ADAMTS12: variants seen among roughly 807,000 people sequenced by gnomAD.
ADAMTS12 encodes ADAM metallopeptidase with thrombospondin type 1 motif 12.
A neutral mutation model predicts 167.8 loss-of-function variants in ADAMTS12; 118 were observed. The observed-to-expected ratio is 0.70, with a 90% CI of 0.61 to 0.82. ADAMTS12 has a LOEUF of 0.82. ADAMTS12 is among the 40% of genes least tolerant of loss of function. The probability of loss-of-function intolerance (pLI) is 0.00; values close to 1 mark genes in which losing one functional copy is unlikely to be tolerated. For missense variants in ADAMTS12, 1,916 were observed against 1,998.8 expected, an observed-to-expected ratio of 0.96 and a Z score of 0.79; for synonymous variants, 704 against 716.9, an observed-to-expected ratio of 0.98 and a Z score of 0.29.
In ADAMTS12 at chr5:33,534,813, G is replaced by A. The variant is rs571336399; in HGVS notation, c.4606+20C>T. 5.2e-5 allele frequency: 83 copies of A among 1,603,910 alleles called. No individual in the cohort carries two copies. The Middle Eastern group carries it at 3.2e-3, about 61-fold the overall frequency. ...TTTGTGCAAAGATCTCTTTCTCCCCGAGCAAACCCATTCACCCACCGGCAC... is the reference window on the plus strand; with the variant it reads ...TTTGTGCAAAGATCTCTTTCTCCCCAAGCAAACCCATTCACCCACCGGCAC... On this transcript the variant is annotated intron_variant, in intron 23 of 23. Coordinates refer to ENST00000504830, the MANE Select transcript of ADAMTS12 (RefSeq NM_030955.4).
chr5:33,855,933 C>T (rs185554738), intron 2 of ADAMTS12, among the ~76,000 whole-genome samples: 2 of 152,190 alleles, frequency 1.3e-5, no homozygotes, highest in African/African-American at 4.8e-5. Flanking sequence ...TGCCTCACTA[C>T]GTTGTGTAGG....
intron 2 of ADAMTS12, among the ~76,000 whole-genome samples, chr5:33,769,599 GC>G (rs1337542147): frequency 6.6e-6 from 1 of 152,198 alleles, no homozygotes; most frequent in Non-Finnish European, 1.5e-5. Flanking sequence ...GCCAAAATCA[GC>G]CCAAGAACTA....
intron 3 of ADAMTS12, among the ~76,000 whole-genome samples, chr5:33,742,017 T>C (rs767833370): frequency 6.6e-6 from 1 of 152,166 alleles, no homozygotes; most frequent in Non-Finnish European, 1.5e-5. Flanking sequence ...GCATACGATT[T>C]TGTGATTTTT....
At chr5:33,585,060 T>G (rs959898201) in intron 18 of ADAMTS12, among the ~76,000 whole-genome samples, 2 of 152,008 alleles carry the variant, frequency 1.3e-5, no homozygotes, top group African/African-American at 4.8e-5. Flanking sequence ...CATCCATCCA[T>G]CCATCCATCC....
intron 2 of ADAMTS12, among the ~76,000 whole-genome samples, chr5:33,824,900 T>A (rs7731546): frequency 0.02 from 3,014 of 152,250 alleles, 110 homozygotes; most frequent in African/African-American, 0.069. Flanking sequence ...GAATGGGAAG[T>A]GAGGGACTCT....
chr5:33,630,791 C>A lies in ADAMTS12; in HGVS notation c.2011G>T (p.Gly671Cys), dbSNP rs1256896186. The A allele has an allele frequency of 3.0e-5, 48 of 1,613,166 alleles. No individual in the cohort carries two copies. The highest frequency in any genetic ancestry group is 5.0e-5 in the Admixed American group (3 of 59,978). Residue 671 changes from glycine to cysteine, a missense_variant, in exon 13 of 24, where the codon GGC (glycine) becomes TGC (cysteine). Transcript: ENST00000504830. The stretch of plus-strand genomic sequence containing the variant: ...AACATACCCAATACCTTACATATGC[C>A]ATTAATACAGACATTTCTGCTGTTG... ...GGNSRNVCIN[G>C]ICKMVGCDYE...
intron 2 of ADAMTS12, among the ~76,000 whole-genome samples, chr5:33,792,008 T>TG (rs1303838836): frequency 2.0e-5 from 3 of 149,516 alleles, no homozygotes; most frequent in Non-Finnish European, 3.0e-5. Flanking sequence ...TTTTTTTTTT[T>TG]TTTTTTTGAG....
At position 33,539,679 on chromosome 5, in the gene ADAMTS12, C is replaced by A. The variant is rs1366407651; in HGVS notation, c.4447-4687G>T. Among the ~76,000 whole-genome samples, 4 of 152,166 alleles carry A rather than the reference C, an allele frequency of 2.6e-5. No homozygotes were observed. In the East Asian group the frequency reaches 7.7e-4, roughly 29 times the overall value. ...ACACGAAAACCGAAGTATCCAGAAACATACTGTAAATCAATGAATGCACTG... is the reference window on the plus strand; with the variant it reads ...ACACGAAAACCGAAGTATCCAGAAAAATACTGTAAATCAATGAATGCACTG... On this transcript the variant is annotated intron_variant, in intron 22 of 23. Transcript: ENST00000504830.
intron 19 of ADAMTS12, among the ~76,000 whole-genome samples, chr5:33,565,674 G>GTTTTTTTTTT (rs4049324): frequency 1.6e-5 from 2 of 126,308 alleles, no homozygotes; most frequent in Non-Finnish European, 3.3e-5. Context: ...TTTTTTGTTT[G>GTTTTTTTTTT]TTTTTTTTTT....
intron 2 of ADAMTS12, among the ~76,000 whole-genome samples, chr5:33,762,564 G>T (rs967129433): frequency 5.3e-5 from 8 of 151,836 alleles, no homozygotes; most frequent in African/African-American, 1.9e-4. Flanking sequence ...AAGTTAGGAG[G>T]CCTGGAAATA....
intron 2 of ADAMTS12, among the ~76,000 whole-genome samples, chr5:33,832,590 G>A (rs142390718): frequency 7.2e-5 from 11 of 152,268 alleles, no homozygotes; most frequent in Admixed American, 2.6e-4. Flanking sequence ...TCAGCAAAAC[G>A]TGTACAATTT....
chr5:33,708,716 T>G (rs1363207339), intron 3 of ADAMTS12, among the ~76,000 whole-genome samples: 1 of 152,108 alleles, frequency 6.6e-6, no homozygotes, highest in East Asian at 1.9e-4. Context: ...AAACACCACA[T>G]GTTCTCACTT....
chr5:33,691,307 T>C (rs1742539640), intron 3 of ADAMTS12, among the ~76,000 whole-genome samples: 1 of 152,234 alleles, frequency 6.6e-6, no homozygotes, highest in East Asian at 1.9e-4. Context: ...CTCCCATTAA[T>C]ACCTAGTGTT....
intron 12 of ADAMTS12, among the ~76,000 whole-genome samples, chr5:33,637,351 CTTCTTT>C (rs1424363939): frequency 6.6e-6 from 1 of 152,186 alleles, no homozygotes; most frequent in African/African-American, 2.4e-5. Flanking sequence ...GTTTTATAAA[CTTCTTT>C]TATCTCCCAC....
intron 3 of ADAMTS12, among the ~76,000 whole-genome samples, chr5:33,686,936 T>TATATATATATAG (rs70964412): frequency 6.9e-6 from 1 of 145,564 alleles, no homozygotes; most frequent in African/African-American, 2.6e-5. Context: ...TATATATATA[T>TATATATATATAG]AGAGAGAGAG....
intron 18 of ADAMTS12, among the ~76,000 whole-genome samples, chr5:33,584,284 A>G (rs1223228092): frequency 6.6e-6 from 1 of 152,210 alleles, no homozygotes; most frequent in African/African-American, 2.4e-5. Context: ...CTTGGTATGT[A>G]TTTCCTATTA....
At chr5:33,633,866 C>A (rs1286659516) in intron 12 of ADAMTS12, among the ~76,000 whole-genome samples, 1 of 152,076 alleles carries the variant, frequency 6.6e-6, no homozygotes, top group Non-Finnish European at 1.5e-5. Context: ...CTGACACATC[C>A]TTTTTTAGGG....
chr5:33,851,129 G>A (rs1415866801), intron 2 of ADAMTS12, among the ~76,000 whole-genome samples: 3 of 152,116 alleles, frequency 2.0e-5, no homozygotes, highest in Non-Finnish European at 2.9e-5. Flanking sequence ...AAAATAAAAG[G>A]AGGCCAGACA....
intron 18 of ADAMTS12, among the ~76,000 whole-genome samples, chr5:33,577,705 T>C (rs1197769099): frequency 6.6e-6 from 1 of 152,118 alleles, no homozygotes; most frequent in Non-Finnish European, 1.5e-5. Flanking sequence ...AAAAGCTAGA[T>C]AATCACCATA....
Sources: allele counts gnomAD v4.1 joint callset (sites outside exome capture counted in the v4.1 genomes callset), GRCh38; gene constraint gnomAD v4.1.1; transcripts MANE v1.5; gene names NCBI Gene and HGNC (gene_info 2026-07-23, HGNC 2026-07-21).